The following CDC42SE2 variants were observed in gnomAD, a reference collection of about 807,000 sequenced individuals.
CDC42SE2 encodes the protein CDC42 small effector protein 2.
In CDC42SE2, 3 loss-of-function variants were observed where a neutral mutation model predicts 11.5. The observed-to-expected ratio is 0.26, with a 90% CI of 0.12 to 0.67. The LOEUF is 0.67. Among genes scored for constraint, CDC42SE2 ranks in the 30% least tolerant of loss-of-function variants. The pLI is 0.80. For missense variants in CDC42SE2, 82 were observed against 106.8 expected, an observed-to-expected ratio of 0.77 and a Z score of 1.02; for synonymous variants, 33 against 34.8, an observed-to-expected ratio of 0.95 and a Z score of 0.18.
the CDC42SE2 span, among the ~76,000 whole-genome samples, chr5:131,227,031 C>T: frequency 1.3e-5 from 2 of 152,064 alleles, no homozygotes; most frequent in Non-Finnish European, 2.9e-5. Context: ...TAAAGAAGAC[C>T]AATGACCTGG....
intron 1 of CDC42SE2, among the ~76,000 whole-genome samples, chr5:131,305,590 C>T (rs115533784): frequency 1.3e-3 from 201 of 152,130 alleles, no homozygotes; most frequent in African/African-American, 4.1e-3. Context: ...GTCCTTTGCC[C>T]GTTTTTTGAT....
the CDC42SE2 span, among the ~76,000 whole-genome samples, chr5:131,218,668 T>C: frequency 1.3e-5 from 2 of 152,210 alleles, no homozygotes; most frequent in African/African-American, 4.8e-5. Context: ...TGAGATACTA[T>C]ACAGCAATGA....
At chr5:131,327,510 G>C (rs971043812) in intron 2 of CDC42SE2, among the ~76,000 whole-genome samples, 4 of 152,046 alleles carry the variant, frequency 2.6e-5, no homozygotes, top group African/African-American at 9.7e-5. Context: ...CTGAGGCTTT[G>C]TATGTTGAAA....
rs557964985 is a variant in CDC42SE2, at chr5:131,353,177, A to G, written c.-285-6032A>G. On this transcript the variant is annotated intron_variant, in intron 2 of 4. Coordinates refer to ENST00000505065, the MANE Select transcript of CDC42SE2 (RefSeq NM_001375635.1). ...GTTACGGAATTCTGTCATGTTGTCT[A>G]GGTTGGTCTCGAACTCCTGGTCTCA... Among the ~76,000 whole-genome samples, 65 of 152,140 alleles carry G rather than the reference A, an allele frequency of 4.3e-4. 1 individual carries two copies. The South Asian group carries it at 8.3e-3, about 19-fold the overall frequency.
chr5:131,374,881 G>C (rs2149782367), intron 3 of CDC42SE2, among the ~76,000 whole-genome samples: 1 of 151,956 alleles, frequency 6.6e-6, no homozygotes, highest in East Asian at 1.9e-4. Context: ...TATCTTCCTA[G>C]GTACATTGTA....
chr5:131,284,796 T>A (rs1316449340), intron 1 of CDC42SE2, among the ~76,000 whole-genome samples: 2 of 152,170 alleles, frequency 1.3e-5, no homozygotes, highest in African/African-American at 4.8e-5. Flanking sequence ...TGTTTCTATA[T>A]TTTCCACACT....
At chr5:131,291,060 A>G (rs974108935) in intron 1 of CDC42SE2, among the ~76,000 whole-genome samples, 3 of 152,170 alleles carry the variant, frequency 2.0e-5, no homozygotes, top group African/African-American at 7.2e-5. Flanking sequence ...ATAGAGAAAT[A>G]TTTATAAGTG....
At chr5:131,353,156 C>T (rs1175630659) in intron 2 of CDC42SE2, among the ~76,000 whole-genome samples, 3 of 151,998 alleles carry the variant, frequency 2.0e-5, no homozygotes, top group Non-Finnish European at 4.4e-5. Flanking sequence ...TTTGTAGTTA[C>T]GGAATTCTGT....
chr5:131,369,194 C>G (rs1171067769), intron 3 of CDC42SE2, among the ~76,000 whole-genome samples: 1 of 152,144 alleles, frequency 6.6e-6, no homozygotes, highest in African/African-American at 2.4e-5. Flanking sequence ...TGGTTGTAAT[C>G]TTTTGCGTTT....
At chr5:131,290,486 G>C (rs111754428) in intron 1 of CDC42SE2, among the ~76,000 whole-genome samples, 2 of 103,118 alleles carry the variant, frequency 1.9e-5, no homozygotes, top group Non-Finnish European at 4.0e-5. Flanking sequence ...TTTTTTTTTT[G>C]TTTTTTTTTT....
At chr5:131,213,122 G>C in the CDC42SE2 span, among the ~76,000 whole-genome samples, 135 of 152,206 alleles carry the variant, frequency 8.9e-4, no homozygotes, top group Non-Finnish European at 2.6e-4. Context: ...GAACCCAGGA[G>C]GCAGAGGTTG....
chr5:131,315,497 C>T (rs1258176718), intron 1 of CDC42SE2, among the ~76,000 whole-genome samples: 3 of 152,260 alleles, frequency 2.0e-5, no homozygotes, highest in African/African-American at 7.2e-5. Context: ...AGGAGAGTGG[C>T]GACTTCTGTG....
chr5:131,293,679 G>A (rs1757510983), intron 1 of CDC42SE2, among the ~76,000 whole-genome samples: 1 of 151,990 alleles, frequency 6.6e-6, no homozygotes, highest in Non-Finnish European at 1.5e-5. Flanking sequence ...TTTTCATTGT[G>A]TATAGGCTAC....
At position 131,335,881 on chromosome 5, in the gene CDC42SE2, C is replaced by G. The variant is rs180808233; in HGVS notation, c.-286+19737C>G. 4.3e-5 allele frequency among the ~76,000 whole-genome samples: 6 copies of G among 140,702 alleles called. No homozygotes were observed. In the Admixed American group the frequency reaches 4.3e-4, roughly 10 times the overall value. The allele number at this position is 140,702 out of a possible 152,430, so 92.3% of individuals were successfully genotyped here. ...GTGTTTCTCTGCACATGAGATGGGT[C>G]TCCTGAATACAGCACACTGACGGGT... On this transcript the variant is annotated intron_variant, in intron 2 of 4. Transcript: ENST00000505065.
intron 1 of CDC42SE2, among the ~76,000 whole-genome samples, chr5:131,315,349 C>T (rs966575382): frequency 2.6e-5 from 4 of 152,150 alleles, no homozygotes; most frequent in African/African-American, 9.7e-5. Context: ...TATATTATAT[C>T]CTCAAGGCAG....
At chr5:131,236,552 C>T in the CDC42SE2 span, among the ~76,000 whole-genome samples, 251 of 152,084 alleles carry the variant, frequency 1.7e-3, no homozygotes, top group African/African-American at 5.7e-3. Flanking sequence ...CTCAGCCTCC[C>T]GAGTAGCTGG....
intron 3 of CDC42SE2, among the ~76,000 whole-genome samples, chr5:131,359,961 CATT>C (rs1440813712): frequency 6.6e-6 from 1 of 152,064 alleles, no homozygotes; most frequent in Non-Finnish European, 1.5e-5. Flanking sequence ...AGGAAGATAT[CATT>C]GTCTTTATTT....
At chr5:131,213,545 C>A in the CDC42SE2 span, among the ~76,000 whole-genome samples, 7 of 152,180 alleles carry the variant, frequency 4.6e-5, no homozygotes, top group East Asian at 1.4e-3. Flanking sequence ...ACCTCCTGGG[C>A]TCAAGTGATC....
chr5:131,214,667 T>G, the CDC42SE2 span, among the ~76,000 whole-genome samples: 1 of 152,144 alleles, frequency 6.6e-6, no homozygotes, highest in Admixed American at 6.5e-5. Flanking sequence ...TGAATTTCAG[T>G]GCAGCTGCAG....
Sources: allele counts gnomAD v4.1 joint callset (sites outside exome capture counted in the v4.1 genomes callset), GRCh38; gene constraint gnomAD v4.1.1; transcripts MANE v1.5; gene names NCBI Gene and HGNC (gene_info 2026-07-23, HGNC 2026-07-21).